Variants in DOCK3 observed in about 807,000 individuals in gnomAD.
DOCK3 encodes dedicator of cytokinesis 3.
Under a neutral mutation model 265.6 loss-of-function variants are expected in DOCK3, and 60 were observed. The observed-to-expected ratio is 0.23, with a 90% CI of 0.18 to 0.28. The LOEUF is 0.28. Ranked by LOEUF, DOCK3 falls within the 10% of genes least tolerant of loss-of-function variation. The pLI, the probability that DOCK3 is intolerant of heterozygous loss-of-function variation, is 1.00. For missense variants in DOCK3, 1,981 were observed against 2,594.3 expected, an observed-to-expected ratio of 0.76 and a Z score of 5.14; for synonymous variants, 881 against 938.0, an observed-to-expected ratio of 0.94 and a Z score of 1.11.
rs2083962557 is a variant in DOCK3 at position 51,324,550 on chromosome 3, A to G, written c.3403-5588A>G. On this transcript the variant is annotated intron_variant, in intron 32 of 52. Transcript: ENST00000266037. ...AAGCTACCGTTGACTTTCTTCACAG[A>G]ATTAGAAAAAAACTACTTTAAATTT... Among the ~76,000 whole-genome samples, 4 of 152,378 alleles carry G rather than the reference A, an allele frequency of 2.6e-5. No individual in the cohort carries two copies. In the South Asian group the frequency reaches 8.3e-4, roughly 32 times the overall value.
chr3:51,351,908 C>T (rs7610293), intron 40 of DOCK3, among the ~76,000 whole-genome samples: 147 of 152,264 alleles, frequency 9.7e-4, no homozygotes, highest in African/African-American at 2.9e-3. Flanking sequence ...CCGCCCGCCT[C>T]GGCCTCCCAA....
At position 51,357,826 on chromosome 3, in the gene DOCK3, G is replaced by C; in HGVS notation, c.4752G>C (p.Glu1584Asp). 1.9e-6 allele frequency: 3 copies of C among 1,614,022 alleles called. No homozygotes were observed. Among genetic ancestry groups the C allele is most frequent in the Non-Finnish European group, 2.5e-6 (3 of 1,179,896 alleles). ...CTGAGAAGATCACCCAGCTCAAGGA[G>C]CTTATGCAGGAGCAGGTATGTCTTG... ...GDAEKITQLK[E>D]LMQEQVHVLG... The change falls in exon 45 of 53, where the codon GAG (glutamate) becomes GAC (aspartate). Residue 1584 changes from glutamate (E) to aspartate (D), a missense_variant. By Grantham distance (45) the Glu-to-Asp change is conservative. Coordinates refer to ENST00000266037, the MANE Select transcript of DOCK3 (RefSeq NM_004947.5).
chr3:50,921,486 C>T (rs763508902), intron 4 of DOCK3, among the ~76,000 whole-genome samples: 3 of 152,128 alleles, frequency 2.0e-5, no homozygotes, highest in Non-Finnish European at 4.4e-5. Flanking sequence ...CTTTGCGATG[C>T]GTTTGAACAT....
intron 1 of DOCK3, among the ~76,000 whole-genome samples, chr3:50,753,722 A>G (rs1018518908): frequency 1.8e-4 from 28 of 152,116 alleles, no homozygotes; most frequent in Admixed American, 3.9e-4. Flanking sequence ...ATGGGAATCT[A>G]TTAGAGTCTT....
chr3:51,305,760 G>GTGTGTGTT (rs57809294), intron 27 of DOCK3, among the ~76,000 whole-genome samples: 1 of 140,086 alleles, frequency 7.1e-6, no homozygotes, highest in South Asian at 2.3e-4. Flanking sequence ...GTGTGTGTGT[G>GTGTGTGTT]TTTTTATTAT....
At chr3:50,727,696 A>G (rs1413276766) in intron 1 of DOCK3, among the ~76,000 whole-genome samples, 1 of 152,108 alleles carries the variant, frequency 6.6e-6, no homozygotes, top group African/African-American at 2.4e-5. Flanking sequence ...AGGCTCCTCA[A>G]ACAAAACAAA....
chr3:50,964,673 C>T lies in DOCK3; in HGVS notation c.315+30596C>T, dbSNP rs75211206. Among the ~76,000 whole-genome samples the T allele has an allele frequency of 2.7e-3, 417 of 151,950 alleles. 1 individual carries two copies. Among genetic ancestry groups the T allele is most frequent in the African/African-American group, 9.6e-3 (399 of 41,474 alleles). Reference sequence around the variant, plus strand: ...CTAATATACATGTAATTTTGAGTCTCCAAAAAGGGACAGGAGGTAGATGAA... The same window carrying T: ...CTAATATACATGTAATTTTGAGTCTTCAAAAAGGGACAGGAGGTAGATGAA... On this transcript the variant is annotated intron_variant, in intron 5 of 52. Transcript: ENST00000266037.
chr3:50,745,822 T>C (rs889610359), intron 1 of DOCK3, among the ~76,000 whole-genome samples: 5 of 152,240 alleles, frequency 3.3e-5, no homozygotes, highest in Admixed American at 6.5e-5. Context: ...TTGTTATAAG[T>C]GTCCAGTTCG....
intron 1 of DOCK3, among the ~76,000 whole-genome samples, chr3:50,773,576 TAGTA>T (rs2041412259): frequency 6.6e-6 from 1 of 152,084 alleles, no homozygotes; most frequent in African/African-American, 2.4e-5. Context: ...TGAAATTTAA[TAGTA>T]AGGGCCTCGA....
chr3:50,782,918 T>G (rs541818545), intron 2 of DOCK3, among the ~76,000 whole-genome samples: 1 of 151,966 alleles, frequency 6.6e-6, no homozygotes, highest in East Asian at 1.9e-4. Context: ...GTTACTTCAC[T>G]TAGAATAATG....
chr3:51,187,780 CA>C (rs1412532641), intron 12 of DOCK3, among the ~76,000 whole-genome samples: 4 of 146,988 alleles, frequency 2.7e-5, no homozygotes, highest in Non-Finnish European at 6.0e-5. Context: ...TGCCTGCTGC[CA>C]TACTTGTAAG....
chr3:51,138,656 A>G (rs1404089010), intron 9 of DOCK3, among the ~76,000 whole-genome samples: 1 of 152,194 alleles, frequency 6.6e-6, no homozygotes, highest in Non-Finnish European at 1.5e-5. Flanking sequence ...GTACCCTGCT[A>G]TGGGCAGCTC....
chr3:51,135,860 A>G (rs1157542926), intron 9 of DOCK3, among the ~76,000 whole-genome samples: 1 of 152,078 alleles, frequency 6.6e-6, no homozygotes, highest in Non-Finnish European at 1.5e-5. Flanking sequence ...GTAAATGTAT[A>G]CCATCATGTC....
chr3:51,311,436 G>C (rs910384986), intron 28 of DOCK3, among the ~76,000 whole-genome samples: 34 of 152,138 alleles, frequency 2.2e-4, no homozygotes, highest in African/African-American at 8.2e-4. Context: ...CCTTCTATGT[G>C]CCCAGGCTGA....
intron 51 of DOCK3, among the ~76,000 whole-genome samples, chr3:51,377,286 C>G (rs996885342): frequency 6.6e-6 from 1 of 152,290 alleles, no homozygotes; most frequent in South Asian, 2.1e-4. Context: ...GGCAGCTAAT[C>G]AGACATTTGC....
In DOCK3 at chr3:50,918,674, G is replaced by A. The variant is rs145487849; in HGVS notation, c.219-15307G>A. 3.3e-3 allele frequency among the ~76,000 whole-genome samples: 505 copies of A among 152,276 alleles called. 1 individual carries two copies. Among genetic ancestry groups the A allele is most frequent in the African/African-American group, 0.012 (483 of 41,562 alleles). On this transcript the variant is annotated intron_variant, in intron 4 of 52. Transcript: ENST00000266037. Reference sequence around the variant, plus strand: ...TCTGGATATTAGTGATTTGTCAGATGGGTAGATTGTAGAAATTTTCTCCCA... The same window carrying A: ...TCTGGATATTAGTGATTTGTCAGATAGGTAGATTGTAGAAATTTTCTCCCA...
intron 2 of DOCK3, among the ~76,000 whole-genome samples, chr3:50,815,685 A>G (rs951033145): frequency 2.6e-5 from 4 of 151,894 alleles, no homozygotes; most frequent in African/African-American, 7.3e-5. Context: ...CTTTATTGAT[A>G]ATTTCAGTGG....
At chr3:51,233,732 C>T (rs1027360758) in intron 19 of DOCK3, among the ~76,000 whole-genome samples, 2 of 152,100 alleles carry the variant, frequency 1.3e-5, no homozygotes, top group Admixed American at 6.6e-5. Context: ...TAGATGTATT[C>T]CTAGGTATTT....
intron 12 of DOCK3, among the ~76,000 whole-genome samples, chr3:51,198,917 T>C (rs1468211103): frequency 6.6e-6 from 1 of 151,994 alleles, no homozygotes; most frequent in Non-Finnish European, 1.5e-5. Flanking sequence ...TAATCCCAGC[T>C]ACTCAGGAGG....
Sources: gnomAD v4.1 joint callset for allele counts (sites outside exome capture counted in the v4.1 genomes callset) on GRCh38, gnomAD v4.1.1 for gene constraint, MANE v1.5 for transcripts, NCBI Gene and HGNC (gene_info 2026-07-23, HGNC 2026-07-21) for gene names.